The following RORC variants were observed in gnomAD, a reference collection of about 807,000 sequenced individuals.
RORC encodes RAR related orphan receptor C, also known as nuclear receptor ROR-gamma.
In RORC, 13 loss-of-function variants were observed where a neutral mutation model predicts 64.5. The observed-to-expected ratio is 0.20, with a 90% CI of 0.13 to 0.32. The LOEUF is 0.32. Among genes scored for constraint, RORC ranks in the 10% least tolerant of loss-of-function variants. RORC has a pLI of 1.00. For missense variants in RORC, 468 were observed against 669.5 expected, an observed-to-expected ratio of 0.70 and a Z score of 3.32; for synonymous variants, 277 against 259.3, an observed-to-expected ratio of 1.07 and a Z score of -0.65.
chr1:151,826,113 G>A (rs1459560177), intron 2 of RORC: 17 of 1,345,664 alleles, frequency 1.3e-5, no homozygotes, highest in Non-Finnish European at 1.5e-5. Flanking sequence ...TTTAAGCTCT[G>A]CACCACACAG....
chr1:151,816,689 G>T lies in RORC; in HGVS notation c.273C>A (p.Cys91Ter). The T allele has an allele frequency of 6.2e-7, 1 of 1,606,360 alleles. No individual in the cohort carries two copies. Residue 91 changes from cysteine to a stop codon, truncating the protein, a stop_gained, in exon 4 of 11, where the codon TGC (cysteine) becomes TGA (stop). Coordinates refer to ENST00000318247, the MANE Select transcript of RORC (RefSeq NM_005060.4). LOFTEE classifies it high-confidence loss of function. ...NRCQHCRLQKCLALGMSRDAV... is the reference protein window; with the variant it reads ...NRCQHCRLQK The stretch of plus-strand genomic sequence containing the variant: ...CATCTCGGGACATGCCCAGCGCCAG[G>T]CATTTCTGCAGGCGGCAGTGCTGGC...
chr1:151,809,930 C>T (rs369869937), intron 10 of RORC, among the ~76,000 whole-genome samples: 8 of 152,136 alleles, frequency 5.3e-5, no homozygotes, highest in South Asian at 2.1e-4. Context: ...AAAGCTTTAA[C>T]GCTTATATGG....
intron 1 of RORC, chr1:151,831,113 G>A: frequency 1.6e-6 from 2 of 1,286,830 alleles, no homozygotes; most frequent in Non-Finnish European, 2.0e-6. Context: ...CCCTGCTGAT[G>A]GCCCAGTGCC....
At chr1:151,814,461 G>T in intron 6 of RORC, 113 bp downstream of exon 6, 1 of 1,147,756 alleles carries the variant, frequency 8.7e-7, no homozygotes, top group Non-Finnish European at 1.2e-6. Flanking sequence ...TGGCCAGCCT[G>T]TGTCTGTGAT....
Position 151,811,454 on chromosome 1 carries a change from C to G in RORC, c.1286-20G>C. The stretch of plus-strand genomic sequence containing the variant: ...GCCGATCTGGAGGAGGGGGTGGGAC[C>G]GTAATGAGAACAAGAAAGAACATGG... On this transcript the variant is annotated intron_variant, in intron 9 of 10. Transcript: ENST00000318247. 1 of 1,484,954 alleles carries G rather than the reference C, an allele frequency of 6.7e-7. No homozygotes were observed. The highest frequency in any genetic ancestry group is 9.4e-7 in the Non-Finnish European group (1 of 1,065,292). The allele number at this position is 1,484,954 out of a possible 1,614,324, so 92.0% of individuals were successfully genotyped here.
At chr1:151,831,259 C>T in intron 1 of RORC, 1 of 531,128 alleles carries the variant, frequency 1.9e-6, no homozygotes. Flanking sequence ...CCTTAAAGGA[C>T]AGGTTTCTCC....
At chr1:151,820,594 A>G (rs1422543151) in intron 2 of RORC, among the ~76,000 whole-genome samples, 1 of 152,162 alleles carries the variant, frequency 6.6e-6, no homozygotes, top group Non-Finnish European at 1.5e-5. Flanking sequence ...TCTCACCTGC[A>G]GCTCTCTCAC....
chr1:151,817,177 C>CA lies in RORC; in HGVS notation c.156+17dup, dbSNP rs776031686. The CA allele has an allele frequency of 1.4e-5, 22 of 1,568,490 alleles. No individual in the cohort carries two copies. The East Asian group carries it at 4.3e-4, about 30-fold the overall frequency. On this transcript the variant is annotated intron_variant, in intron 3 of 10. Coordinates refer to ENST00000318247, the MANE Select transcript of RORC (RefSeq NM_005060.4). ...ATGCACACGCACACATGCATGCATA[C>CA]ACATGCCTATGACTCACCTTGCACC...
At chr1:151,812,724 C>T (rs758141409) in intron 9 of RORC, 2 of 426,344 alleles carry the variant, frequency 4.7e-6, no homozygotes, top group Admixed American at 4.2e-5. Context: ...TCATTTCTCC[C>T]CACTTCCCAC....
chr1:151,823,386 C>T (rs1652068460), intron 2 of RORC, among the ~76,000 whole-genome samples: 1 of 152,174 alleles, frequency 6.6e-6, no homozygotes, highest in Admixed American at 6.5e-5. Flanking sequence ...TCTGGGCTAC[C>T]CTCCGTCTGG....
At chr1:151,823,362 C>T (rs1405402090) in intron 2 of RORC, among the ~76,000 whole-genome samples, 1 of 152,214 alleles carries the variant, frequency 6.6e-6, no homozygotes, top group Non-Finnish European at 1.5e-5. Flanking sequence ...TGGCCATGCC[C>T]TTAGGGGAAG....
At chr1:151,817,320 T>C (rs201029150) in intron 2 of RORC, 40 bp from the exon 3 acceptor site, 4 of 1,452,736 alleles carry the variant, frequency 2.8e-6, no homozygotes, top group African/African-American at 1.4e-5. Context: ...CCAGGAGGCT[T>C]TTCTGCATTC....
chr1:151,817,674 T>C (rs537243753), intron 2 of RORC, among the ~76,000 whole-genome samples: 58 of 152,308 alleles, frequency 3.8e-4, no homozygotes, highest in African/African-American at 1.2e-3. Flanking sequence ...GGGCTTCCTC[T>C]GTGCCTCCCT....
chr1:151,819,163 G>A (rs1474585286), intron 2 of RORC, among the ~76,000 whole-genome samples: 1 of 152,202 alleles, frequency 6.6e-6, no homozygotes, highest in Admixed American at 6.5e-5. Flanking sequence ...AATACATGGA[G>A]GGGAAGAGAG....
chr1:151,811,075 T>A (rs1651503823), intron 10 of RORC, among the ~76,000 whole-genome samples: 1 of 152,194 alleles, frequency 6.6e-6, no homozygotes, highest in South Asian at 2.1e-4. Context: ...GCTGGGTAAG[T>A]GCTGGCTATA....
intron 6 of RORC, 103 bp downstream of exon 6, chr1:151,814,471 T>C: frequency 7.9e-7 from 1 of 1,265,374 alleles, no homozygotes; most frequent in Middle Eastern, 1.9e-4. Flanking sequence ...GTGTCTGTGA[T>C]GTCCCGCCCT....
At chr1:151,815,587 G>A (rs879691481) in intron 4 of RORC, among the ~76,000 whole-genome samples, 162 bp from the exon 5 acceptor site, 17 of 152,170 alleles carry the variant, frequency 1.1e-4, no homozygotes, top group Non-Finnish European at 2.1e-4. Flanking sequence ...TCAAGACCCC[G>A]TCCACCTCTC....
In RORC at chr1:151,814,860, G is replaced by A. The variant is rs2101658430; in HGVS notation, c.811+53C>T. 5.1e-6 allele frequency: 8 copies of A among 1,580,552 alleles called. 1 individual carries two copies. The South Asian group carries it at 8.2e-5, about 16-fold the overall frequency. The stretch of plus-strand genomic sequence containing the variant: ...CATGTTTGATTGATACGGGGTACTG[G>A]TGGAAACCCCTCCCTCATCTCTACC... On this transcript the variant is annotated intron_variant, in intron 5 of 10. Transcript: ENST00000318247.
At chr1:151,811,115 C>G (rs1037269753) in intron 10 of RORC, among the ~76,000 whole-genome samples, 1 of 152,130 alleles carries the variant, frequency 6.6e-6, no homozygotes, top group Non-Finnish European at 1.5e-5. Context: ...GGAGGTCCCT[C>G]CCAATCCCAG....
Sources: allele counts gnomAD v4.1 joint callset (sites outside exome capture counted in the v4.1 genomes callset), GRCh38; gene constraint gnomAD v4.1.1; transcripts MANE v1.5; gene names NCBI Gene and HGNC (gene_info 2026-07-23, HGNC 2026-07-21).